The following CPSF7 variants were observed in gnomAD, a reference collection of about 807,000 sequenced individuals.
CPSF7 encodes the protein cleavage and polyadenylation specificity factor subunit 7.
CPSF7 carries 1 observed loss-of-function variant against 44.3 expected under a neutral mutation model. That is an observed-to-expected ratio of 0.02 (90% CI 0.01 to 0.11). The LOEUF (loss-of-function observed/expected upper bound fraction) is 0.11. CPSF7 is among the 10% of genes least tolerant of loss of function. The pLI is 1.00. For missense variants in CPSF7, 443 were observed against 607.2 expected (o/e 0.73, Z 2.84); for synonymous variants, 202 against 222.0 (o/e 0.91, Z 0.80).
chr11:61,410,136 C>T (rs1007499754), intron 9 of CPSF7, among the ~76,000 whole-genome samples: 17 of 151,878 alleles, frequency 1.1e-4, no homozygotes, highest in African/African-American at 3.9e-4. Context: ...GTCTCACTGT[C>T]GCTCAGGCCA....
intron 9 of CPSF7, among the ~76,000 whole-genome samples, chr11:61,408,676 T>C (rs1162935708): frequency 6.6e-6 from 1 of 152,136 alleles, no homozygotes; most frequent in African/African-American, 2.4e-5. Flanking sequence ...GCTGGTAGGA[T>C]GCAACCTAAA....
chr11:61,424,875 T>C (rs184488286), intron 2 of CPSF7, among the ~76,000 whole-genome samples: 1 of 152,198 alleles, frequency 6.6e-6, no homozygotes, highest in Non-Finnish European at 1.5e-5. Flanking sequence ...GTAATTCAGG[T>C]ATATGTGTCT....
chr11:61,412,491 G>A (rs1442712067), intron 7 of CPSF7, among the ~76,000 whole-genome samples: 4 of 152,064 alleles, frequency 2.6e-5, no homozygotes, highest in African/African-American at 9.7e-5. Flanking sequence ...GAGTTTCACC[G>A]TGTTAGCCAG....
chr11:61,408,009 T>G (rs1476569231), intron 9 of CPSF7, among the ~76,000 whole-genome samples: 2 of 152,102 alleles, frequency 1.3e-5, no homozygotes, highest in African/African-American at 2.4e-5. Context: ...TCACCTTCCT[T>G]TTCAATTACC....
chr11:61,408,696 C>A (rs1227971677), intron 9 of CPSF7, among the ~76,000 whole-genome samples: 1 of 152,178 alleles, frequency 6.6e-6, no homozygotes, highest in East Asian at 1.9e-4. Flanking sequence ...AGACACAGCA[C>A]CCCCTCTGAC....
chr11:61,421,490 T>A lies in CPSF7; in HGVS notation c.173A>T (p.Glu58Val). Reference protein sequence around the residue: ...STEPPPPVRQEPSPKPNNKTP... With the variant: ...STEPPPPVRQVPSPKPNNKTP... ...CTTGTTGTTGGGCTTGGGAGATGGCTCCTGGCGAACAGGAGGAGGTGGTTC... is the reference window on the plus strand; with the variant it reads ...CTTGTTGTTGGGCTTGGGAGATGGCACCTGGCGAACAGGAGGAGGTGGTTC... The change falls in exon 3 of 10, where the codon GAG becomes GTG. Residue 58 changes from glutamate to valine, a missense_variant. By Grantham distance (121) the Glu-to-Val change is moderately radical (BLOSUM62 -2). Coordinates refer to ENST00000439958, the MANE Select transcript of CPSF7 (RefSeq NM_001142565.3). The A allele has an allele frequency of 3.1e-6, 5 of 1,614,146 alleles. No homozygotes were observed. Among genetic ancestry groups the A allele is most frequent in the Non-Finnish European group, 3.4e-6 (4 of 1,180,024 alleles).
At chr11:61,408,967 C>A (rs1056955346) in intron 9 of CPSF7, among the ~76,000 whole-genome samples, 3 of 151,812 alleles carry the variant, frequency 2.0e-5, no homozygotes, top group Non-Finnish European at 2.9e-5. Flanking sequence ...TCACTTGAGG[C>A]CAGGAGTTCA....
At position 61,411,928 on chromosome 11, in the gene CPSF7, C is replaced by T; in HGVS notation, c.1067G>A (p.Ser356Asn). 2.5e-6 allele frequency: 4 copies of T among 1,614,108 alleles called. No individual in the cohort carries two copies. Among genetic ancestry groups the T allele is most frequent in the Non-Finnish European group, 3.4e-6 (4 of 1,179,954 alleles). The stretch of plus-strand genomic sequence containing the variant: ...TGTGAGCAGCGTCTCAATTGCGTCA[C>T]TGTAATCCCCTGATAAAGGATGAAG... ...AVSGASAGDY[S>N]DAIETLLTAI... Residue 356 changes from serine to asparagine, a missense_variant, in exon 8 of 10, where the codon AGT (serine) becomes AAT (asparagine). By Grantham distance (46) the Ser-to-Asn change is conservative (BLOSUM62 1). Transcript: ENST00000439958.
intron 9 of CPSF7, among the ~76,000 whole-genome samples, chr11:61,407,398 A>G (rs1029558706): frequency 6.6e-6 from 1 of 152,214 alleles, no homozygotes; most frequent in African/African-American, 2.4e-5. Flanking sequence ...GTGCAGACTC[A>G]AACAAGAAAA....
Position 61,404,359 on chromosome 11 carries a change from C to T in CPSF7, c.*351G>A, listed in dbSNP as rs183094914. 1 of 152,736 alleles carries T rather than the reference C, an allele frequency of 6.5e-6. No individual in the cohort carries two copies. Among genetic ancestry groups the T allele is most frequent in the Non-Finnish European group, 1.5e-5 (1 of 68,056 alleles). 9.5% of individuals were successfully genotyped at this position (152,736 alleles called of 1,614,324 possible). A position where few individuals can be genotyped will look rare whatever the true frequency, so the allele number is the denominator to read the frequency against. ...TTGGGAAGGAAGTCTTCCCATCAAC[C>T]TCACCATTGAACGGCTCCCGGAGAA... is the stretch of plus-strand genomic sequence containing the variant. On this transcript the variant is annotated 3_prime_UTR_variant, in exon 10 of 10. Coordinates refer to ENST00000439958, the MANE Select transcript of CPSF7 (RefSeq NM_001142565.3).
chr11:61,416,712 A>C (rs1452708970), intron 5 of CPSF7, among the ~76,000 whole-genome samples, 193 bp from the exon 6 acceptor site: 2 of 152,214 alleles, frequency 1.3e-5, no homozygotes, highest in African/African-American at 4.8e-5. Context: ...AAATCCAAAA[A>C]ACAATATCGT....
At chr11:61,419,238 G>A (rs2135351362) in intron 5 of CPSF7, among the ~76,000 whole-genome samples, 1 of 152,308 alleles carries the variant, frequency 6.6e-6, no homozygotes, top group East Asian at 1.9e-4. Flanking sequence ...TGGCCAGGCT[G>A]GTCTCAAACT....
At position 61,407,710 on chromosome 11, in the gene CPSF7, T is replaced by C. The variant is rs368568058; in HGVS notation, c.*6-3006A>G. On this transcript the variant is annotated intron_variant, in intron 9 of 9. Transcript: ENST00000439958. ...ACAGAGACAAAAAATATTAGTAATTTTTCATCTTTCCACTTACTTGTTTGG... is the reference window on the plus strand; with the variant it reads ...ACAGAGACAAAAAATATTAGTAATTCTTCATCTTTCCACTTACTTGTTTGG... Among the ~76,000 whole-genome samples the C allele has an allele frequency of 1.7e-3, 255 of 152,362 alleles. 2 individuals are homozygous for C. Among genetic ancestry groups the C allele is most frequent in the South Asian group, 5.4e-3 (26 of 4,826 alleles).
chr11:61,411,715 C>G (rs1342996620), intron 8 of CPSF7, 54 bp downstream of exon 8: 1 of 1,532,626 alleles, frequency 6.5e-7, no homozygotes, highest in Non-Finnish European at 9.0e-7. Flanking sequence ...CACTCCCTAT[C>G]CCTGGAAGAG....
At position 61,411,924 on chromosome 11, in the gene CPSF7, G is replaced by A. The variant is rs767691085; in HGVS notation, c.1071C>T (p.Asp357=). Residue 357 remains aspartate, a synonymous_variant, in exon 8 of 10, where the codon GAC becomes GAT. Coordinates refer to ENST00000439958, the MANE Select transcript of CPSF7 (RefSeq NM_001142565.3). Reference sequence around the variant, plus strand: ...TGGCTGTGAGCAGCGTCTCAATTGCGTCACTGTAATCCCCTGATAAAGGAT... The same window carrying A: ...TGGCTGTGAGCAGCGTCTCAATTGCATCACTGTAATCCCCTGATAAAGGAT... ...VSGASAGDYS[D]AIETLLTAIA... 14 of 1,614,038 alleles carry A rather than the reference G, an allele frequency of 8.7e-6. No homozygotes were observed. In the African/African-American group the frequency reaches 9.3e-5, roughly 11 times the overall value.
intron 9 of CPSF7, among the ~76,000 whole-genome samples, chr11:61,406,695 AAG>A (rs1373756850): frequency 1.3e-5 from 2 of 152,210 alleles, no homozygotes. Flanking sequence ...AAGTTACCAA[AAG>A]AGAGTTATCC....
intron 1 of CPSF7, 174 bp from the exon 2 acceptor site, chr11:61,429,464 G>C: frequency 2.0e-6 from 1 of 493,716 alleles, no homozygotes; most frequent in Non-Finnish European, 3.5e-6. Context: ...CTCCCAGGCC[G>C]CCGGGGGTCG....
intron 2 of CPSF7, among the ~76,000 whole-genome samples, chr11:61,424,151 A>G (rs771949469): frequency 1.3e-5 from 2 of 152,214 alleles, no homozygotes; most frequent in African/African-American, 2.4e-5. Flanking sequence ...TGTGCATAAA[A>G]AGGGTCAGCA....
Position 61,420,085 on chromosome 11 carries a change from C to T in CPSF7, c.387G>A (p.Glu129=). Residue 129 remains glutamate (E), a synonymous_variant, in exon 5 of 10, where the codon GAG becomes GAA. Coordinates refer to ENST00000439958, the MANE Select transcript of CPSF7 (RefSeq NM_001142565.3). Reference sequence around the variant, plus strand: ...CAGAGTTTTCAGAGGCTACCACCACCTCAGCATACCTTAGGAAAGAAAAAT... The same window carrying T: ...CAGAGTTTTCAGAGGCTACCACCACTTCAGCATACCTTAGGAAAGAAAAAT... ...RANGQSKGYA[E]VVVASENSVH... is the part of the protein sequence containing the mutation. The T allele has an allele frequency of 6.2e-7, 1 of 1,611,754 alleles. No individual in the cohort carries two copies. Among genetic ancestry groups the T allele is most frequent in the Non-Finnish European group, 8.5e-7 (1 of 1,178,640 alleles).
Sources: allele counts gnomAD v4.1 joint callset (sites outside exome capture counted in the v4.1 genomes callset), GRCh38; gene constraint gnomAD v4.1.1; transcripts MANE v1.5; gene names NCBI Gene and HGNC (gene_info 2026-07-23, HGNC 2026-07-21).